Variants in FAR1 observed in about 807,000 individuals in gnomAD.
FAR1 encodes male sterility domain-containing protein 2.
A neutral mutation model predicts 61.1 loss-of-function variants in FAR1; 22 were observed. The ratio of observed to expected loss-of-function variants is 0.36; its 90% CI spans 0.26 to 0.51. The LOEUF is 0.51. FAR1 is among the 20% of genes least tolerant of loss of function. FAR1 has a pLI of 0.95. For missense variants in FAR1, 359 were observed against 626.9 expected (o/e 0.57, Z 4.56); for synonymous variants, 206 against 209.7 (o/e 0.98, Z 0.15).
At chr11:13,728,470 A>G in intron 11 of FAR1, 142 bp from the exon 12 acceptor site, 1 of 704,620 alleles carries the variant, frequency 1.4e-6, no homozygotes, top group Non-Finnish European at 2.4e-6. Flanking sequence ...TGTTTTACCT[A>G]CAGTATACTT....
At chr11:13,677,759 C>G (rs1331860671) in intron 1 of FAR1, among the ~76,000 whole-genome samples, 3 of 152,180 alleles carry the variant, frequency 2.0e-5, no homozygotes, top group African/African-American at 7.2e-5. Flanking sequence ...TTTCTACTTT[C>G]TAATGGAATA....
chr11:13,712,132 C>T, intron 7 of FAR1, 86 bp downstream of exon 7: 2 of 945,452 alleles, frequency 2.1e-6, no homozygotes, highest in Non-Finnish European at 1.7e-6. Flanking sequence ...ATTAATCCCT[C>T]TATCCAGATA....
intron 10 of FAR1, among the ~76,000 whole-genome samples, chr11:13,723,003 T>C (rs1848628637): frequency 6.6e-6 from 1 of 152,078 alleles, no homozygotes; most frequent in African/African-American, 2.4e-5. Flanking sequence ...TTGTAGTGAA[T>C]TCTGAGTTTT....
chr11:13,728,750 A>C lies in FAR1; in HGVS notation c.1524A>C (p.Arg508=), dbSNP rs774643302. The change falls in exon 12 of 12, where the codon CGA becomes CGC. Residue 508 remains arginine, a synonymous_variant. Transcript: ENST00000354817. The part of the protein sequence containing the change: ...SLCYKFLSYF[R]ASSTMRY The stretch of plus-strand genomic sequence containing the variant: ...GTTACAAGTTTTTGTCATACTTCCG[A>C]GCATCCAGCACTATGAGATACTGAA... The C allele has an allele frequency of 3.7e-6, 6 of 1,611,876 alleles. No individual in the cohort carries two copies. The highest frequency in any genetic ancestry group is 5.1e-6 in the Non-Finnish European group (6 of 1,178,496).
intron 1 of FAR1, among the ~76,000 whole-genome samples, chr11:13,684,938 A>G (rs1456505779): frequency 6.6e-6 from 1 of 152,122 alleles, no homozygotes; most frequent in African/African-American, 2.4e-5. Context: ...CAAGACCGCA[A>G]ATCTTCTTGT....
chr11:13,704,182 A>G (rs1301653463), intron 3 of FAR1, among the ~76,000 whole-genome samples: 1 of 152,126 alleles, frequency 6.6e-6, no homozygotes, highest in Non-Finnish European at 1.5e-5. Context: ...AGTGCAAGTA[A>G]GACAGGGTCA....
intron 2 of FAR1, among the ~76,000 whole-genome samples, chr11:13,699,051 T>G (rs1327860458): frequency 6.6e-6 from 1 of 152,212 alleles, no homozygotes; most frequent in Non-Finnish European, 1.5e-5. Flanking sequence ...TGCTACTTCC[T>G]CTGCCTGGAA....
chr11:13,669,477 G>T (rs1286784667), intron 1 of FAR1: 2 of 152,286 alleles, frequency 1.3e-5, no homozygotes, highest in African/African-American at 4.8e-5. Flanking sequence ...GTGTGGACGG[G>T]AGGCTATTGG....
chr11:13,722,113 T>C (rs1848616205), intron 10 of FAR1, among the ~76,000 whole-genome samples: 1 of 152,180 alleles, frequency 6.6e-6, no homozygotes, highest in Non-Finnish European at 1.5e-5. Flanking sequence ...TTTTTTCCCT[T>C]AATGTTGGTT....
chr11:13,712,880 A>G (rs1848515341), intron 7 of FAR1, 86 bp from the exon 8 acceptor site: 9 of 974,788 alleles, frequency 9.2e-6, no homozygotes, highest in South Asian at 1.8e-5. Context: ...CATCATCCTC[A>G]TGTCTTCTTG....
intron 1 of FAR1, among the ~76,000 whole-genome samples, chr11:13,676,459 G>C (rs1465515375): frequency 6.6e-6 from 1 of 152,058 alleles, no homozygotes; most frequent in African/African-American, 2.4e-5. Context: ...GAAAGGATCT[G>C]CTAAAGTATT....
At chr11:13,696,215 C>A (rs965699364) in intron 2 of FAR1, among the ~76,000 whole-genome samples, 7 of 152,162 alleles carry the variant, frequency 4.6e-5, no homozygotes, top group African/African-American at 1.4e-4. Flanking sequence ...TCCTCTCCCC[C>A]CAGTGAGGGG....
chr11:13,701,419 AAAAAT>A (rs1461443471), intron 3 of FAR1, among the ~76,000 whole-genome samples: 4 of 152,114 alleles, frequency 2.6e-5, no homozygotes, highest in African/African-American at 9.7e-5. Context: ...TGTCAATTTA[AAAAAT>A]AAAATACATT....
chr11:13,672,663 A>T (rs1565336620), intron 1 of FAR1, among the ~76,000 whole-genome samples: 1 of 152,014 alleles, frequency 6.6e-6, no homozygotes, highest in Non-Finnish European at 1.5e-5. Flanking sequence ...GTAGGAGAGA[A>T]GATAGTCTTA....
At chr11:13,673,713 G>C (rs1848035360) in intron 1 of FAR1, among the ~76,000 whole-genome samples, 1 of 152,126 alleles carries the variant, frequency 6.6e-6, no homozygotes, top group African/African-American at 2.4e-5. Flanking sequence ...AGAGATGTAT[G>C]TTTTCATATT....
chr11:13,701,328 C>T (rs999075145), intron 3 of FAR1, among the ~76,000 whole-genome samples: 2 of 151,994 alleles, frequency 1.3e-5, no homozygotes, highest in South Asian at 2.1e-4. Context: ...GATAGATGTG[C>T]CAGTCACCCT....
chr11:13,721,905 T>C lies in FAR1; in HGVS notation c.1257+46T>C, dbSNP rs1848613453. 1 of 1,501,190 alleles carries C rather than the reference T, an allele frequency of 6.7e-7. No individual in the cohort carries two copies. Among genetic ancestry groups the C allele is most frequent in the African/African-American group, 1.4e-5 (1 of 71,404 alleles). 93.0% of individuals were successfully genotyped at this position (1,501,190 alleles called of 1,614,324 possible). A position where few individuals can be genotyped will look rare whatever the true frequency, so the allele number is the denominator to read the frequency against. On this transcript the variant is annotated intron_variant, in intron 10 of 11. Transcript: ENST00000354817. This position sits in a 1 kb window ranked among gnomAD's most constrained non-coding sequence, Gnocchi z 4.2. ...TTATATTAGAAAATAAGTAGCATAC[T>C]AATTACAGAACTATTAGCAACCTGA...
chr11:13,674,830 G>A (rs1317158903), intron 1 of FAR1, among the ~76,000 whole-genome samples: 2 of 152,126 alleles, frequency 1.3e-5, no homozygotes, highest in East Asian at 3.9e-4. Context: ...AGTTCAATTG[G>A]TCTGTTCTGT....
At chr11:13,713,528 A>G (rs1848523787) in intron 8 of FAR1, among the ~76,000 whole-genome samples, 1 of 152,164 alleles carries the variant, frequency 6.6e-6, no homozygotes, top group Non-Finnish European at 1.5e-5. Context: ...CACAGCAGAT[A>G]TACATGTTCC....
Sources: allele counts gnomAD v4.1 joint callset (sites outside exome capture counted in the v4.1 genomes callset), GRCh38; gene constraint gnomAD v4.1.1; non-coding constraint Gnocchi (gnomAD v3.1); transcripts MANE v1.5; gene names NCBI Gene and HGNC (gene_info 2026-07-23, HGNC 2026-07-21).